CASKIN2: variants seen among roughly 807,000 people sequenced by gnomAD.
The protein encoded by CASKIN2 is CASK interacting protein 2.
CASKIN2 carries 41 observed loss-of-function variants against 107.1 expected under a neutral mutation model. That is an observed-to-expected ratio of 0.38 (90% CI 0.30 to 0.50). The LOEUF is 0.50. CASKIN2 is among the 20% of genes least tolerant of loss of function. CASKIN2 has a pLI of 0.92. For synonymous variants in CASKIN2, 724 were observed against 705.6 expected (o/e 1.03, Z -0.41); for missense variants, 1,546 against 1,657.4 (o/e 0.93, Z 1.17).
At chr17:75,507,560 G>A in intron 4 of CASKIN2, 24 bp downstream of exon 4, 4 of 1,586,652 alleles carry the variant, frequency 2.5e-6, no homozygotes, top group South Asian at 1.1e-5. Context: ...CAGGGTGGGG[G>A]TCGGGGGCAC....
chr17:75,506,426 G>A lies in CASKIN2; in HGVS notation c.618-13C>T. The A allele has an allele frequency of 6.2e-7, 1 of 1,606,586 alleles. No individual in the cohort carries two copies. Among genetic ancestry groups the A allele is most frequent in the African/African-American group, 1.3e-5 (1 of 74,932 alleles). On this transcript the variant is annotated splice_polypyrimidine_tract_variant and intron_variant, in intron 7 of 19. Transcript: ENST00000321617. The surrounding 1 kb of genome is among the most constrained non-coding windows in gnomAD (Gnocchi z 4.8). ...TCTCAGGAGCTGCCTGCAGTGGACG[G>A]GGGGAGTCACGGGGGAGGTGGCGTA...
intron 1 of CASKIN2, 193 bp downstream of exon 1, chr17:75,515,208 C>T (rs2053347774): frequency 6.6e-6 from 1 of 152,604 alleles, no homozygotes; most frequent in South Asian, 2.1e-4. Flanking sequence ...CAGCCCAGGC[C>T]CACCGGGGAA....
rs563007555 is a variant in CASKIN2 at position 75,511,249 on chromosome 17, C to T, written c.94+2462G>A. The stretch of plus-strand genomic sequence containing the variant: ...CTAATTTTTGTATTTTTAGTAGAGA[C>T]GGGGCTTCACCACGTTGCCCAGGCT... On this transcript the variant is annotated intron_variant, in intron 2 of 19. Coordinates refer to ENST00000321617, the MANE Select transcript of CASKIN2 (RefSeq NM_020753.5). Among the ~76,000 whole-genome samples, 12 of 151,824 alleles carry T rather than the reference C, an allele frequency of 7.9e-5. No individual in the cohort carries two copies. In the South Asian group the frequency reaches 2.3e-3, roughly 29 times the overall value.
At chr17:75,511,643 A>G in intron 2 of CASKIN2, among the ~76,000 whole-genome samples, 1 of 152,236 alleles carries the variant, frequency 6.6e-6, no homozygotes, top group East Asian at 1.9e-4. Context: ...GAGGGGAGGC[A>G]CAGTGCCAGG....
rs774330213 is a variant in CASKIN2, at chr17:75,505,477, C to G, written c.930+80G>C. 1 of 1,315,812 alleles carries G rather than the reference C, an allele frequency of 7.6e-7. No individual in the cohort carries two copies. Among genetic ancestry groups the G allele is most frequent in the East Asian group, 2.3e-5 (1 of 43,482 alleles). The allele number at this position is 1,315,812 out of a possible 1,614,324, so 81.5% of individuals were successfully genotyped here. A position where few individuals can be genotyped will look rare whatever the true frequency, so the allele number is the denominator to read the frequency against. On this transcript the variant is annotated intron_variant, in intron 10 of 19. Coordinates refer to ENST00000321617, the MANE Select transcript of CASKIN2 (RefSeq NM_020753.5). This position sits in a 1 kb window ranked among gnomAD's most constrained non-coding sequence, Gnocchi z 5.1. ...TGCATATAGAGACCTCAGAGCAGAA[C>G]GTGGTAACATAGCAGGTGCCCAAAT...
intron 2 of CASKIN2, among the ~76,000 whole-genome samples, chr17:75,510,225 G>A (rs2146995984): frequency 6.6e-6 from 1 of 152,326 alleles, no homozygotes; most frequent in African/African-American, 2.4e-5. Context: ...GAGGGGCGGG[G>A]AGCAGGGCCA....
At chr17:75,508,409 T>C in intron 2 of CASKIN2, 124 bp from the exon 3 acceptor site, 1 of 1,044,680 alleles carries the variant, frequency 9.6e-7, no homozygotes, top group Non-Finnish European at 1.4e-6. Flanking sequence ...CCCATGGCCT[T>C]CCGCCTGTCC....
chr17:75,504,792 T>C lies in CASKIN2; in HGVS notation c.1192+20A>G, dbSNP rs1188329214. On this transcript the variant is annotated intron_variant, in intron 11 of 19. Transcript: ENST00000321617. ...CACACGCCCACACAGTGCCCAGCACTGCCCCCTGGGAGGATGTACCTGGGC... is the reference window on the plus strand; with the variant it reads ...CACACGCCCACACAGTGCCCAGCACCGCCCCCTGGGAGGATGTACCTGGGC... 2 of 1,601,532 alleles carry C rather than the reference T, an allele frequency of 1.2e-6. 1 individual carries two copies. Among genetic ancestry groups the C allele is most frequent in the South Asian group, 2.2e-5 (2 of 89,004 alleles).
Position 75,501,094 on chromosome 17 carries a change from C to T in CASKIN2, c.3595G>A (p.Ala1199Thr), listed in dbSNP as rs143149297. ...MFDALADQLD[A>T]MLD The stretch of plus-strand genomic sequence containing the variant: ...TGCTGGAGGGCTCAGTCCAGCATGG[C>T]GTCCAGCTGGTCAGCCAGGGCGTCG... The change falls in exon 20 of 20, where the codon GCC becomes ACC. Residue 1199 changes from alanine to threonine, a missense_variant. By Grantham distance (58) the Ala-to-Thr change is moderately conservative (BLOSUM62 0). Around this residue, in one of 6 missense-constraint regions of CASKIN2, gnomAD observed 1,311 missense variants for 1,311.0 expected, o/e 1.00. Transcript: ENST00000321617. 1.6e-5 allele frequency: 26 copies of T among 1,578,218 alleles called. No individual in the cohort carries two copies. In the East Asian group the frequency reaches 1.9e-4, roughly 11 times the overall value.
Position 75,502,804 on chromosome 17 carries a change from A to G in CASKIN2, c.2270T>C (p.Met757Thr), listed in dbSNP as rs751272984. ...GCTAGAGGGTGAGCCCTGGGGGTAC[A>G]TAAAAACATAGGGTGGGGGTCCTTG... ...PGQGPPPYVF[M>T]YPQGSPSSPA... Residue 757 changes from methionine to threonine, a missense_variant, in exon 18 of 20, where the codon ATG becomes ACG. By Grantham distance (81) the Met-to-Thr change is moderately conservative. Around this residue, in one of 6 missense-constraint regions of CASKIN2, gnomAD observed 1,311 missense variants for 1,311.0 expected, o/e 1.00. Coordinates refer to ENST00000321617, the MANE Select transcript of CASKIN2 (RefSeq NM_020753.5). This position sits in a 1 kb window ranked among gnomAD's most constrained non-coding sequence, Gnocchi z 4.3. 2.5e-6 allele frequency: 4 copies of G among 1,577,770 alleles called. No homozygotes were observed. Among genetic ancestry groups the G allele is most frequent in the Non-Finnish European group, 2.6e-6 (3 of 1,161,662 alleles).
At position 75,500,775 on chromosome 17, in the gene CASKIN2, C is replaced by T; in HGVS notation, c.*305G>A. 2.8e-6 allele frequency: 1 copy of T among 358,210 alleles called. No individual in the cohort carries two copies. The highest frequency in any genetic ancestry group is 5.2e-6 in the Non-Finnish European group (1 of 190,892). 22.2% of individuals were successfully genotyped at this position (358,210 alleles called of 1,614,324 possible). On this transcript the variant is annotated 3_prime_UTR_variant, in exon 20 of 20. Transcript: ENST00000321617. ...CCCCAAAGCCCCACCCCTACTTCCT[C>T]CCTGAGGAGAGAGCTCTTACCAGGG...
At chr17:75,511,204 G>A (rs190357830) in intron 2 of CASKIN2, among the ~76,000 whole-genome samples, 180 of 151,980 alleles carry the variant, frequency 1.2e-3, no homozygotes, top group Middle Eastern at 3.4e-3. Flanking sequence ...GGGACTACAG[G>A]CACTTGCCAC....
At chr17:75,512,335 C>T (rs8071794) in intron 2 of CASKIN2, among the ~76,000 whole-genome samples, 121,021 of 152,106 alleles carry the variant, frequency 0.8, 49,248 homozygotes, top group Middle Eastern at 0.9. Context: ...ACAAGTCCAG[C>T]GGCCTCCTGG....
chr17:75,504,046 C>T (rs1254675030), intron 14 of CASKIN2, 84 bp from the exon 15 acceptor site: 17 of 1,329,360 alleles, frequency 1.3e-5, no homozygotes, highest in South Asian at 3.8e-5. Flanking sequence ...CCTGCCTGAG[C>T]GGGGCTTCAG....
intron 2 of CASKIN2, among the ~76,000 whole-genome samples, chr17:75,512,213 G>C (rs916165714): frequency 6.6e-6 from 1 of 152,178 alleles, no homozygotes; most frequent in Non-Finnish European, 1.5e-5. Context: ...GTGTATCTTG[G>C]GGCTAGAGCC....
rs766332826 is a variant in CASKIN2 at position 75,508,257 on chromosome 17, G to A, written c.123C>T (p.Asn41=). 7.4e-6 allele frequency: 12 copies of A among 1,613,812 alleles called. No homozygotes were observed. Among genetic ancestry groups the A allele is most frequent in the South Asian group, 4.4e-5 (4 of 91,050 alleles). The part of the protein sequence containing the change: ...TKLLGSTKRL[N]VNYQDADGFS... ...ACCCATCAGCATCCTGGTAGTTCACGTTGAGCCTCTTTGTGGAGCCCAGGA... is the reference window on the plus strand; with the variant it reads ...ACCCATCAGCATCCTGGTAGTTCACATTGAGCCTCTTTGTGGAGCCCAGGA... Residue 41 remains asparagine (N), a synonymous_variant, in exon 3 of 20, where the codon AAC becomes AAT. Transcript: ENST00000321617.
chr17:75,510,037 G>T (rs2146995770), intron 2 of CASKIN2: 1 of 451,710 alleles, frequency 2.2e-6, no homozygotes, highest in South Asian at 9.5e-5. Context: ...GTTCCTGGCA[G>T]TGACTCCAGG....
chr17:75,515,314 TGGAGGTGCCC>T (rs2053349008), intron 1 of CASKIN2, 77 bp downstream of exon 1: 1 of 151,990 alleles, frequency 6.6e-6, no homozygotes, highest in Non-Finnish European at 1.5e-5. Context: ...AGCGGGGAGA[TGGAGGTGCCC>T]GCCGACCCCG....
intron 2 of CASKIN2, 85 bp from the exon 3 acceptor site, chr17:75,508,370 G>T (rs1598468452): frequency 6.8e-7 from 1 of 1,471,660 alleles, no homozygotes; most frequent in South Asian, 1.2e-5. Context: ...CAGCCCGGCT[G>T]ACCTCTTGGC....
Sources: gnomAD v4.1 joint callset for allele counts (sites outside exome capture counted in the v4.1 genomes callset) on GRCh38, gnomAD v4.1.1 for gene constraint, gnomAD v4.1.1 regional missense constraint, Gnocchi (gnomAD v3.1) non-coding constraint, MANE v1.5 for transcripts, NCBI Gene and HGNC (gene_info 2026-07-23, HGNC 2026-07-21) for gene names.